The following STK33 variants were observed in gnomAD, a reference collection of about 807,000 sequenced individuals.
The protein encoded by STK33 is serine/threonine kinase 33, also known as serine/threonine-protein kinase 33.
Under a neutral mutation model 58.0 loss-of-function variants are expected in STK33, and 52 were observed. That is an observed-to-expected ratio of 0.90 (90% CI 0.72 to 1.13). STK33 has a LOEUF of 1.13. Ranked by LOEUF, STK33 falls within the 50% of genes most tolerant of loss-of-function variation. The pLI is 0.00. For synonymous variants in STK33, 215 were observed against 200.1 expected, an observed-to-expected ratio of 1.07 and a Z score of -0.63; for missense variants, 630 against 604.2, an observed-to-expected ratio of 1.04 and a Z score of -0.45.
intron 1 of STK33, among the ~76,000 whole-genome samples, chr11:8,577,482 A>G (rs1394923588): frequency 1.3e-5 from 2 of 152,286 alleles, no homozygotes. Flanking sequence ...TAAGCAGAAT[A>G]ATCTTAGATA....
the STK33 span, among the ~76,000 whole-genome samples, chr11:8,369,242 C>CT: frequency 2.3e-4 from 35 of 150,094 alleles, no homozygotes; most frequent in Admixed American, 1.2e-3. Flanking sequence ...AGTGAAGTCA[C>CT]TTTTTTTTTA....
At chr11:8,520,068 C>G (rs1165421934) in intron 1 of STK33, among the ~76,000 whole-genome samples, 3 of 152,102 alleles carry the variant, frequency 2.0e-5, no homozygotes, top group Non-Finnish European at 4.4e-5. Flanking sequence ...CAATATCCCT[C>G]ATGAACATCG....
chr11:8,485,206 G>A (rs1263382816), intron 1 of STK33, among the ~76,000 whole-genome samples: 1 of 152,144 alleles, frequency 6.6e-6, no homozygotes, highest in Admixed American at 6.5e-5. Flanking sequence ...GAGGTTATAA[G>A]TTTATAATTT....
At chr11:8,530,491 C>G (rs1009481862) in intron 1 of STK33, among the ~76,000 whole-genome samples, 5 of 151,090 alleles carry the variant, frequency 3.3e-5, no homozygotes, top group Non-Finnish European at 5.9e-5. Flanking sequence ...CCACCACCAC[C>G]ACCAAGAATA....
intron 14 of STK33, among the ~76,000 whole-genome samples, chr11:8,419,654 T>C (rs1284014303): frequency 6.6e-6 from 1 of 152,212 alleles, no homozygotes; most frequent in East Asian, 1.9e-4. Flanking sequence ...TAGCAGTGAA[T>C]CTGTAAACTG....
chr11:8,569,471 T>C (rs1445958453), intron 1 of STK33, among the ~76,000 whole-genome samples: 1 of 152,192 alleles, frequency 6.6e-6, no homozygotes, highest in Non-Finnish European at 1.5e-5. Context: ...TAACTTGAAA[T>C]AGATCATACA....
chr11:8,543,285 C>T (rs1359668741), intron 1 of STK33, among the ~76,000 whole-genome samples: 1 of 152,142 alleles, frequency 6.6e-6, no homozygotes, highest in South Asian at 2.1e-4. Flanking sequence ...TGATTAAGAG[C>T]TCAAAAATAT....
At chr11:8,389,019 A>G (rs1269927250), downstream of STK33, among the ~76,000 whole-genome samples, 2 of 139,952 alleles carry the variant, frequency 1.4e-5, no homozygotes, top group Admixed American at 1.4e-4. Flanking sequence ...GGTCAGGAAC[A>G]ATGCAGCACT....
downstream of STK33, among the ~76,000 whole-genome samples, chr11:8,390,573 C>T (rs1398751754): frequency 1.3e-5 from 2 of 152,146 alleles, no homozygotes; most frequent in East Asian, 3.9e-4. Context: ...CTAAGTAACA[C>T]AAAAATGATG....
intron 7 of STK33, among the ~76,000 whole-genome samples, chr11:8,463,514 T>A (rs776988345): frequency 7.2e-5 from 11 of 152,028 alleles, no homozygotes; most frequent in Non-Finnish European, 1.5e-4. Flanking sequence ...GACCTGGGGG[T>A]TGGGGACCCT....
the STK33 span, among the ~76,000 whole-genome samples, chr11:8,343,522 C>A: frequency 6.6e-6 from 1 of 151,944 alleles, no homozygotes; most frequent in Admixed American, 6.5e-5. Flanking sequence ...ACATAAAGTA[C>A]TGCTGGAAAT....
chr11:8,445,883 T>C (rs943085239), intron 11 of STK33, among the ~76,000 whole-genome samples: 9 of 152,236 alleles, frequency 5.9e-5, no homozygotes, highest in African/African-American at 2.2e-4. Flanking sequence ...ATCAGGATGA[T>C]GCTGGCCTCA....
chr11:8,457,315 A>G (rs777219402), intron 9 of STK33, 26 bp downstream of exon 9: 1 of 1,506,942 alleles, frequency 6.6e-7, no homozygotes, highest in South Asian at 1.4e-5. Flanking sequence ...TCATGGGGTC[A>G]ATGAGCTGGA....
At chr11:8,487,360 T>G (rs1950257408) in intron 1 of STK33, among the ~76,000 whole-genome samples, 1 of 145,482 alleles carries the variant, frequency 6.9e-6, no homozygotes, top group Non-Finnish European at 1.5e-5. Context: ...AGGTCAAGCC[T>G]GCAGTGAGTT....
chr11:8,582,638 G>A (rs956138049), intron 1 of STK33, among the ~76,000 whole-genome samples: 2 of 152,126 alleles, frequency 1.3e-5, no homozygotes, highest in African/African-American at 4.8e-5. Flanking sequence ...GGGGATTATG[G>A]GGATTATGGG....
At chr11:8,543,550 AC>A (rs1341136880) in intron 1 of STK33, among the ~76,000 whole-genome samples, 7 of 152,244 alleles carry the variant, frequency 4.6e-5, no homozygotes, top group Middle Eastern at 6.8e-3. Flanking sequence ...AATCAAAACA[AC>A]TGAACTCATA....
chr11:8,342,753 T>G, the STK33 span, among the ~76,000 whole-genome samples: 2 of 152,266 alleles, frequency 1.3e-5, no homozygotes, highest in Non-Finnish European at 2.9e-5. Context: ...ACACAGCTAG[T>G]AAGCATCCTT....
the STK33 span, among the ~76,000 whole-genome samples, chr11:8,358,067 G>A: frequency 6.6e-6 from 1 of 152,194 alleles, no homozygotes; most frequent in African/African-American, 2.4e-5. Flanking sequence ...TGAGCTCAAA[G>A]CAGCCCTCTC....
chr11:8,343,479 G>C, the STK33 span, among the ~76,000 whole-genome samples: 2 of 152,194 alleles, frequency 1.3e-5, no homozygotes, highest in Non-Finnish European at 2.9e-5. Flanking sequence ...GCAGGGCTGT[G>C]GCTCAGTCAG....
Sources: allele counts gnomAD v4.1 joint callset (sites outside exome capture counted in the v4.1 genomes callset), GRCh38; gene constraint gnomAD v4.1.1; transcripts MANE v1.5; gene names NCBI Gene and HGNC (gene_info 2026-07-23, HGNC 2026-07-21).